The following ITGB3 variants were observed in gnomAD, a reference collection of about 807,000 sequenced individuals.
ITGB3 encodes the protein integrin beta-3.
A neutral mutation model predicts 85.8 loss-of-function variants in ITGB3; 48 were observed. That is an observed-to-expected ratio of 0.56 (90% CI 0.44 to 0.71). ITGB3 has a LOEUF of 0.71. ITGB3 is among the 30% of genes least tolerant of loss of function. The pLI, the probability that ITGB3 is intolerant of heterozygous loss-of-function variation, is 0.00. For synonymous variants in ITGB3, 363 were observed against 395.6 expected, an observed-to-expected ratio of 0.92 and a Z score of 0.98; for missense variants, 861 against 1,019.1, an observed-to-expected ratio of 0.84 and a Z score of 2.11.
At chr17:47,282,408 GA>G (rs1175128129) in intron 2 of ITGB3, among the ~76,000 whole-genome samples, 2 of 152,160 alleles carry the variant, frequency 1.3e-5, no homozygotes, top group African/African-American at 4.8e-5. Context: ...CCAGTCCCTG[GA>G]AACTACTATT....
At chr17:47,270,144 C>G (rs1243616899) in intron 1 of ITGB3, among the ~76,000 whole-genome samples, 1 of 152,178 alleles carries the variant, frequency 6.6e-6, no homozygotes, top group Non-Finnish European at 1.5e-5. Flanking sequence ...CTCTCATGAC[C>G]TGTGGGGATT....
intron 1 of ITGB3, among the ~76,000 whole-genome samples, chr17:47,258,694 C>T (rs971725000): frequency 5.9e-5 from 9 of 152,120 alleles, no homozygotes; most frequent in African/African-American, 1.7e-4. Flanking sequence ...CTGCCCACCT[C>T]GGCCTCCCAA....
intron 6 of ITGB3, 71 bp downstream of exon 6, chr17:47,287,302 G>A: frequency 6.4e-7 from 1 of 1,568,728 alleles, no homozygotes; most frequent in Non-Finnish European, 8.7e-7. Flanking sequence ...GGCAGAGTCT[G>A]TGTGAATATG....
chr17:47,302,844 A>C lies in ITGB3; in HGVS notation c.2134+4A>C. ...CTGTATGTGGTAGAAGAGCCAGGTGAGTGAACCCTGACGGCTCCCGGCCCT... is the reference window on the plus strand; with the variant it reads ...CTGTATGTGGTAGAAGAGCCAGGTGCGTGAACCCTGACGGCTCCCGGCCCT... On this transcript the variant is annotated splice_donor_region_variant and intron_variant, in intron 13 of 14. Coordinates refer to ENST00000559488, the MANE Select transcript of ITGB3 (RefSeq NM_000212.3). The C allele has an allele frequency of 6.2e-7, 1 of 1,614,196 alleles. No homozygotes were observed.
At chr17:47,274,031 A>G (rs1181231433) in intron 1 of ITGB3, among the ~76,000 whole-genome samples, 1 of 152,190 alleles carries the variant, frequency 6.6e-6, no homozygotes, top group Non-Finnish European at 1.5e-5. Context: ...ATATCACTAG[A>G]ATGACTGAAG....
At chr17:47,293,827 C>T (rs1052454890) in intron 10 of ITGB3, among the ~76,000 whole-genome samples, 3 of 152,060 alleles carry the variant, frequency 2.0e-5, no homozygotes, top group African/African-American at 4.8e-5. Flanking sequence ...AGGATGGTCT[C>T]GATCTCTTGA....
chr17:47,286,245 C>A lies in ITGB3; in HGVS notation c.615-15C>A. 6.2e-7 allele frequency: 1 copy of A among 1,614,080 alleles called. No homozygotes were observed. Among genetic ancestry groups the A allele is most frequent in the South Asian group, 1.1e-5 (1 of 91,078 alleles). The stretch of plus-strand genomic sequence containing the variant: ...ATGAAGGTGTCTGCTTAAATTATCT[C>A]CCATCCCTCCCCAGTATGAAGACCA... On this transcript the variant is annotated splice_polypyrimidine_tract_variant and intron_variant, in intron 4 of 14. Coordinates refer to ENST00000559488, the MANE Select transcript of ITGB3 (RefSeq NM_000212.3).
chr17:47,307,004 CTT>C (rs1013908979), intron 13 of ITGB3, among the ~76,000 whole-genome samples: 12 of 152,022 alleles, frequency 7.9e-5, no homozygotes, highest in Non-Finnish European at 8.8e-5. Flanking sequence ...TTTTAAAAAA[CTT>C]TTATTTTTGC....
At position 47,290,248 on chromosome 17, in the gene ITGB3, C is replaced by G. The variant is rs1278185386; in HGVS notation, c.1099C>G (p.Leu367Val). The G allele has an allele frequency of 6.2e-7, 1 of 1,613,992 alleles. No homozygotes were observed. The change falls in exon 8 of 15, where the codon CTC becomes GTC. Residue 367 changes from leucine (L) to valine (V), a missense_variant. Transcript: ENST00000559488. ...TCTGTCCATGGATTCCAGCAATGTCCTCCAGCTCATTGTTGATGCTTATGG... is the reference window on the plus strand; with the variant it reads ...TCTGTCCATGGATTCCAGCAATGTCGTCCAGCTCATTGTTGATGCTTATGG... ...GVLSMDSSNVLQLIVDAYGKI... is the reference protein window; with the variant it reads ...GVLSMDSSNVVQLIVDAYGKI...
In ITGB3 at chr17:47,312,250, A is replaced by G. The variant is rs1248804188; in HGVS notation, c.*2046A>G. ...CATTTGCATCCACATATTAGGGAAG[A>G]GGAATCCATAAGTAGCTGAAATATC... On this transcript the variant is annotated 3_prime_UTR_variant, in exon 15 of 15. Transcript: ENST00000559488. Among the ~76,000 whole-genome samples the G allele has an allele frequency of 6.6e-6, 1 of 152,274 alleles. No individual in the cohort carries two copies. The highest frequency in any genetic ancestry group is 1.5e-5 in the Non-Finnish European group (1 of 68,050).
chr17:47,260,368 A>G (rs542525210), intron 1 of ITGB3, among the ~76,000 whole-genome samples: 2 of 152,340 alleles, frequency 1.3e-5, no homozygotes, highest in East Asian at 3.9e-4. Flanking sequence ...GAACTCCTTT[A>G]ACTAATTAAC....
chr17:47,291,543 G>C (rs41304764), intron 9 of ITGB3: 7,180 of 288,142 alleles, frequency 0.025, 311 homozygotes, highest in East Asian at 0.18. Context: ...TTCTGCCTAA[G>C]GGGAGAGGGG....
intron 2 of ITGB3, among the ~76,000 whole-genome samples, chr17:47,278,063 C>T (rs1354281320): frequency 2.0e-5 from 3 of 152,146 alleles, no homozygotes; most frequent in Non-Finnish European, 1.5e-5. Context: ...TGAATACCAA[C>T]AACTATAAAC....
chr17:47,269,033 GCT>G (rs1451533798), intron 1 of ITGB3, among the ~76,000 whole-genome samples: 1 of 152,012 alleles, frequency 6.6e-6, no homozygotes, highest in African/African-American at 2.4e-5. Flanking sequence ...AAGGCTTGGG[GCT>G]TGTATCCTCT....
At chr17:47,281,694 G>A (rs574774927) in intron 2 of ITGB3, among the ~76,000 whole-genome samples, 2 of 152,264 alleles carry the variant, frequency 1.3e-5, no homozygotes, top group African/African-American at 2.4e-5. Flanking sequence ...CTGGTTAGGT[G>A]CCTGGCCCAT....
chr17:47,258,298 G>A (rs552327182), intron 1 of ITGB3, among the ~76,000 whole-genome samples: 24 of 152,228 alleles, frequency 1.6e-4, no homozygotes, highest in African/African-American at 5.5e-4. Context: ...GTGGGAGCAG[G>A]GAAATGACTC....
In ITGB3 at chr17:47,283,370, C is replaced by G. The variant is rs751951989; in HGVS notation, c.182C>G (p.Ser61Ter). ...GTCTTACAGGCCCTGCCTCTGGGCTCACCTCGCTGTGACCTGAAGGAGAAT... is the reference window on the plus strand; with the variant it reads ...GTCTTACAGGCCCTGCCTCTGGGCTGACCTCGCTGTGACCTGAAGGAGAAT... Reference protein sequence around the residue: ...WCSDEALPLGSPRCDLKENLL... With the variant: ...WCSDEALPLG Residue 61 changes from serine to a stop codon, truncating the protein, a stop_gained, in exon 3 of 15, where the codon TCA (serine) becomes TGA (stop). Transcript: ENST00000559488. LOFTEE classifies it high-confidence loss of function. 1 of 1,614,208 alleles carries G rather than the reference C, an allele frequency of 6.2e-7. No homozygotes were observed. Among genetic ancestry groups the G allele is most frequent in the Non-Finnish European group, 8.5e-7 (1 of 1,180,038 alleles).
In ITGB3 at chr17:47,311,490, A is replaced by G. The variant is rs1054935386; in HGVS notation, c.*1286A>G. 4 of 152,502 alleles carry G rather than the reference A, an allele frequency of 2.6e-5. No homozygotes were observed. The highest frequency in any genetic ancestry group is 1.3e-4 in the Admixed American group (2 of 15,280). 9.4% of individuals were successfully genotyped at this position (152,502 alleles called of 1,614,324 possible). On this transcript the variant is annotated 3_prime_UTR_variant, in exon 15 of 15. Transcript: ENST00000559488. The stretch of plus-strand genomic sequence containing the variant: ...AACTTAAAAGAACATGTATATAAAC[A>G]TGCTTGCATTATATTTGTAAATTTA...
At chr17:47,286,970 C>A in intron 5 of ITGB3, 100 bp from the exon 6 acceptor site, 1 of 1,230,508 alleles carries the variant, frequency 8.1e-7, no homozygotes. Flanking sequence ...AGCTGTCCAG[C>A]CCTTTAGCCA....
Sources: allele counts gnomAD v4.1 joint callset (sites outside exome capture counted in the v4.1 genomes callset), GRCh38; gene constraint gnomAD v4.1.1; transcripts MANE v1.5; gene names NCBI Gene and HGNC (gene_info 2026-07-23, HGNC 2026-07-21).